Variants in COQ2 observed in about 807,000 individuals in gnomAD.
COQ2 encodes coenzyme Q2, polyprenyltransferase.
In COQ2, 25 loss-of-function variants were observed where a neutral mutation model predicts 35.7. That is an observed-to-expected ratio of 0.70 (90% CI 0.51 to 0.98). The LOEUF (loss-of-function observed/expected upper bound fraction) is 0.98, where lower values mean the gene tolerates loss of function less well. COQ2 is among the 50% of genes least tolerant of loss of function. The pLI, the probability that COQ2 is intolerant of heterozygous loss-of-function variation, is 0.00. For synonymous variants in COQ2, 206 were observed against 186.2 expected (o/e 1.11, Z -0.86); for missense variants, 488 against 473.5 (o/e 1.03, Z -0.28).
At chr4:83,265,142 T>C (rs751141156) in intron 6 of COQ2, among the ~76,000 whole-genome samples, 4 of 152,232 alleles carry the variant, frequency 2.6e-5, no homozygotes, top group Non-Finnish European at 4.4e-5. Context: ...TAAGGAAGTC[T>C]CACGTATGTT....
intron 6 of COQ2, chr4:83,267,355 T>C: frequency 2.3e-6 from 1 of 438,572 alleles, no homozygotes; most frequent in Non-Finnish European, 4.1e-6. Flanking sequence ...CCAGCCTGGA[T>C]GACAGGCTGG....
intron 2 of COQ2, among the ~76,000 whole-genome samples, chr4:83,278,325 C>A (rs1275900825): frequency 1.3e-5 from 2 of 151,548 alleles, no homozygotes; most frequent in African/African-American, 4.9e-5. Context: ...TGCATTAGAA[C>A]AGGTACAAAA....
At chr4:83,284,374 C>T (rs191220134) in intron 1 of COQ2, 138 bp downstream of exon 1, 2 of 1,406,530 alleles carry the variant, frequency 1.4e-6, no homozygotes, top group Non-Finnish European at 9.2e-7. Context: ...CCAGGGCGCA[C>T]GGCACCCGGC....
intron 2 of COQ2, among the ~76,000 whole-genome samples, chr4:83,274,560 C>T (rs898273788): frequency 2.6e-5 from 4 of 152,016 alleles, no homozygotes; most frequent in Admixed American, 6.6e-5. Flanking sequence ...TCAATTTTTC[C>T]TATTATGGGT....
intron 5 of COQ2, among the ~76,000 whole-genome samples, chr4:83,268,107 T>C (rs573352154): frequency 2.6e-5 from 4 of 152,338 alleles, no homozygotes; most frequent in Admixed American, 2.0e-4. Flanking sequence ...ACCATATTTT[T>C]AGTGTTAGGA....
intron 6 of COQ2, among the ~76,000 whole-genome samples, chr4:83,264,639 CA>C (rs533306911): frequency 1.4e-5 from 2 of 147,638 alleles, no homozygotes; most frequent in Non-Finnish European, 1.5e-5. Context: ...GACTCTATCT[CA>C]AAAAAAAAGA....
chr4:83,274,516 T>A (rs1235738715), intron 2 of COQ2, among the ~76,000 whole-genome samples: 1 of 149,866 alleles, frequency 6.7e-6, no homozygotes, highest in Non-Finnish European at 1.5e-5. Context: ...CTTAACGGGG[T>A]CCTTAACAGA....
rs756382606 is a variant in COQ2 at position 83,284,778 on chromosome 4, C to T, written c.-14G>A. On this transcript the variant is annotated 5_prime_UTR_variant, in exon 1 of 7. Transcript: ENST00000647002. The stretch of plus-strand genomic sequence containing the variant: ...CGAGCCCAGCATGGCGCTGGTGAGG[C>T]CGGGACGAGCTCGGATTGACGTCAT... 6.4e-7 allele frequency: 1 copy of T among 1,562,442 alleles called. No individual in the cohort carries two copies. The highest frequency in any genetic ancestry group is 8.6e-7 in the Non-Finnish European group (1 of 1,161,176).
chr4:83,267,160 G>C (rs1386298739), intron 6 of COQ2: 2 of 453,672 alleles, frequency 4.4e-6, no homozygotes, highest in Non-Finnish European at 8.8e-6. Context: ...AAGATTGCTT[G>C]AAGCCAGGAA....
chr4:83,265,344 C>G (rs1345992358), intron 6 of COQ2, among the ~76,000 whole-genome samples: 1 of 152,018 alleles, frequency 6.6e-6, no homozygotes, highest in Non-Finnish European at 1.5e-5. Context: ...CTGAGGTGGG[C>G]GGATCACTTA....
chr4:83,276,066 ATT>A (rs748508481), intron 2 of COQ2, among the ~76,000 whole-genome samples: 2 of 13,826 alleles, frequency 1.4e-4, no homozygotes, highest in African/African-American at 2.0e-4. Flanking sequence ...TATAATATAT[ATT>A]TTATATATAA....
At chr4:83,276,810 T>A (rs913138192) in intron 2 of COQ2, among the ~76,000 whole-genome samples, 3 of 152,122 alleles carry the variant, frequency 2.0e-5, no homozygotes, top group African/African-American at 7.2e-5. Flanking sequence ...CATCAATGGA[T>A]GACTAGATTA....
At chr4:83,283,968 G>A (rs1735388422) in intron 1 of COQ2, 1 of 985,326 alleles carries the variant, frequency 1.0e-6, no homozygotes, top group African/African-American at 1.7e-5. Flanking sequence ...TATGGGTGAT[G>A]CAGGTAAAAG....
chr4:83,283,050 A>C (rs1231732818), intron 1 of COQ2, among the ~76,000 whole-genome samples: 6 of 152,194 alleles, frequency 3.9e-5, no homozygotes, highest in Admixed American at 1.3e-4. Flanking sequence ...TCTCAACGTG[A>C]ATGTGGCCCC....
chr4:83,266,432 A>T (rs1229765217), intron 6 of COQ2, among the ~76,000 whole-genome samples: 1 of 150,222 alleles, frequency 6.7e-6, no homozygotes, highest in Non-Finnish European at 1.5e-5. Context: ...ATCTTGGCTC[A>T]CTGGAACCTC....
intron 2 of COQ2, 82 bp from the exon 3 acceptor site, chr4:83,273,699 T>C (rs1185144336): frequency 1.5e-6 from 2 of 1,324,662 alleles, no homozygotes; most frequent in Non-Finnish European, 1.1e-6. Context: ...GACTGGCCCA[T>C]GGTAGGCACA....
At chr4:83,278,692 T>C (rs1301558407) in intron 2 of COQ2, among the ~76,000 whole-genome samples, 1 of 152,218 alleles carries the variant, frequency 6.6e-6, no homozygotes, top group East Asian at 1.9e-4. Context: ...TCACCCTCAG[T>C]CTTCCAAATT....
rs563531998 is a variant in COQ2, at chr4:83,271,845, G to A, written c.628+242C>T. 3.3e-5 allele frequency among the ~76,000 whole-genome samples: 5 copies of A among 152,130 alleles called. No homozygotes were observed. In the South Asian group the frequency reaches 1.0e-3, roughly 32 times the overall value. On this transcript the variant is annotated intron_variant, in intron 4 of 6. Transcript: ENST00000647002. ...AGGGGAGAGGAGAGTGTAGGGGAGG[G>A]GAGCAGTGGGGGAGAGAGGAGAGGA...
At chr4:83,278,397 A>C (rs1235962209) in intron 2 of COQ2, among the ~76,000 whole-genome samples, 2 of 152,210 alleles carry the variant, frequency 1.3e-5, no homozygotes, top group Non-Finnish European at 2.9e-5. Flanking sequence ...AGGAGATAAG[A>C]GGAGGAGATA....
Sources: gnomAD v4.1 joint callset for allele counts (sites outside exome capture counted in the v4.1 genomes callset) on GRCh38, gnomAD v4.1.1 for gene constraint, MANE v1.5 for transcripts, NCBI Gene and HGNC (gene_info 2026-07-23, HGNC 2026-07-21) for gene names.